The following IRF4 variants were observed in gnomAD, a reference collection of about 807,000 sequenced individuals.
IRF4 encodes the protein lymphocyte-specific interferon regulatory factor.
A neutral mutation model predicts 55.5 loss-of-function variants in IRF4; 13 were observed. The ratio of observed to expected loss-of-function variants is 0.23; its 90% CI spans 0.15 to 0.37. The LOEUF is 0.37. Among genes scored for constraint, IRF4 ranks in the 10% least tolerant of loss-of-function variants. The pLI is 1.00. For missense variants in IRF4, 397 were observed against 593.8 expected (o/e 0.67, Z 3.44); for synonymous variants, 249 against 240.7 (o/e 1.03, Z -0.32).
rs762541080 is a variant in IRF4, at chr6:398,916, C to T, written c.726C>T (p.Ala242=). 1.9e-5 allele frequency: 30 copies of T among 1,611,818 alleles called. No individual in the cohort carries two copies. The highest frequency in any genetic ancestry group is 8.8e-5 in the South Asian group (8 of 90,882). Reference sequence around the variant, plus strand: ...CCACAGAGCCAAGCATAAGGTCTGCCGAAGCCTTGGCGTTCTCAGGTGAGT... The same window carrying T: ...CCACAGAGCCAAGCATAAGGTCTGCTGAAGCCTTGGCGTTCTCAGGTGAGT... ...GVPTEPSIRS[A]EALAFSDCRL... is the part of the protein sequence containing the mutation. The change falls in exon 6 of 9, where the codon GCC becomes GCT. Residue 242 remains alanine (A), a synonymous_variant. Coordinates refer to ENST00000380956, the MANE Select transcript of IRF4 (RefSeq NM_002460.4).
At chr6:403,270 C>G (rs1332539677) in intron 7 of IRF4, among the ~76,000 whole-genome samples, 2 of 152,246 alleles carry the variant, frequency 1.3e-5, no homozygotes, top group Non-Finnish European at 2.9e-5. Context: ...GGGGACCCCC[C>G]CTCCCCTGTC....
At chr6:397,385 G>T in intron 5 of IRF4, 133 bp downstream of exon 5, 1 of 1,067,814 alleles carries the variant, frequency 9.4e-7, no homozygotes, top group Admixed American at 2.6e-5. Flanking sequence ...GCAGCTCGGG[G>T]AGAGGGGGGT....
intron 8 of IRF4, among the ~76,000 whole-genome samples, 180 bp downstream of exon 8, chr6:405,310 G>T (rs898721006): frequency 6.6e-6 from 1 of 152,218 alleles, no homozygotes; most frequent in Non-Finnish European, 1.5e-5. Context: ...GAGGACTCAC[G>T]TGCTCCTCCC....
intron 8 of IRF4, chr6:406,774 G>A (rs1482246536): frequency 8.4e-7 from 1 of 1,195,086 alleles, no homozygotes; most frequent in Non-Finnish European, 1.1e-6. Context: ...AGGTACTTAG[G>A]AGTTTAGCTT....
rs1000240851 is a variant in IRF4 at position 408,509 on chromosome 6, A to G, written c.*911A>G. ...ATGGGACATTTTTGTCTGTCCTACAATCTAGTAATGTCTAAGTAATGGTTA... is the reference window on the plus strand; with the variant it reads ...ATGGGACATTTTTGTCTGTCCTACAGTCTAGTAATGTCTAAGTAATGGTTA... On this transcript the variant is annotated 3_prime_UTR_variant, in exon 9 of 9. Coordinates refer to ENST00000380956, the MANE Select transcript of IRF4 (RefSeq NM_002460.4). 14 of 229,846 alleles carry G rather than the reference A, an allele frequency of 6.1e-5. No homozygotes were observed. The highest frequency in any genetic ancestry group is 1.0e-4 in the Non-Finnish European group (12 of 115,940). The allele number at this position is 229,846 out of a possible 1,614,324, so 14.2% of individuals were successfully genotyped here. A position where few individuals can be genotyped will look rare whatever the true frequency, so the allele number is the denominator to read the frequency against.
In IRF4 at chr6:411,005, TG is replaced by T. The variant is rs1761688072; in HGVS notation, c.*3408del. On this transcript the variant is annotated 3_prime_UTR_variant, in exon 9 of 9. Coordinates refer to ENST00000380956, the MANE Select transcript of IRF4 (RefSeq NM_002460.4). Reference sequence around the variant, plus strand: ...AATGAAGTAAAGGTCAGTTTTTTTTTGTATTGATTTTCACAGCTTTGAGGAA... The same window carrying T: ...AATGAAGTAAAGGTCAGTTTTTTTTTTATTGATTTTCACAGCTTTGAGGAA... 4.4e-6 allele frequency: 1 copy of T among 229,324 alleles called. No individual in the cohort carries two copies. The highest frequency in any genetic ancestry group is 8.6e-6 in the Non-Finnish European group (1 of 116,516). 14.2% of individuals were successfully genotyped at this position (229,324 alleles called of 1,614,324 possible). A position where few individuals can be genotyped will look rare whatever the true frequency, so the allele number is the denominator to read the frequency against.
At chr6:396,093 CT>C in intron 4 of IRF4, 158 bp downstream of exon 4, 1 of 613,122 alleles carries the variant, frequency 1.6e-6, no homozygotes, top group Admixed American at 3.0e-5. Context: ...GAATGTCTCA[CT>C]TTCCACACGG....
At chr6:394,728 C>G (rs1761209265) in intron 2 of IRF4, 93 bp from the exon 3 acceptor site, 4 of 1,225,304 alleles carry the variant, frequency 3.3e-6, no homozygotes, top group Non-Finnish European at 2.3e-6. Flanking sequence ...GTACTCTAGC[C>G]TGGGCAGCAG....
At chr6:392,087 A>C (rs914134643) in intron 1 of IRF4, among the ~76,000 whole-genome samples, 5 of 151,986 alleles carry the variant, frequency 3.3e-5, no homozygotes, top group African/African-American at 1.2e-4. Context: ...GGACGGGATG[A>C]GCTAACCGGA....
At chr6:394,424 A>G (rs920543128) in intron 2 of IRF4, among the ~76,000 whole-genome samples, 9 of 152,214 alleles carry the variant, frequency 5.9e-5, no homozygotes, top group African/African-American at 2.2e-4. Flanking sequence ...TGAAGGACCT[A>G]TGCGCCATTC....
In IRF4 at chr6:410,669, G is replaced by A. The variant is rs1332253467; in HGVS notation, c.*3071G>A. The stretch of plus-strand genomic sequence containing the variant: ...TGATGCTCCGCCAGGAAGGCCACTT[G>A]TGTGTGCGTGTCAGTTACTTTTTTA... On this transcript the variant is annotated 3_prime_UTR_variant, in exon 9 of 9. Coordinates refer to ENST00000380956, the MANE Select transcript of IRF4 (RefSeq NM_002460.4). 2 of 231,872 alleles carry A rather than the reference G, an allele frequency of 8.6e-6. No homozygotes were observed. The highest frequency in any genetic ancestry group is 1.2e-4 in the East Asian group (2 of 16,534). 14.4% of individuals were successfully genotyped at this position (231,872 alleles called of 1,614,324 possible).
chr6:403,145 G>C (rs942203930), intron 7 of IRF4, among the ~76,000 whole-genome samples: 6 of 152,198 alleles, frequency 3.9e-5, no homozygotes, highest in African/African-American at 1.2e-4. Flanking sequence ...CCTGGGGCTG[G>C]ACACCTCTCA....
At chr6:401,839 GAA>G in intron 7 of IRF4, 62 bp downstream of exon 7, 1 of 1,472,148 alleles carries the variant, frequency 6.8e-7, no homozygotes, top group South Asian at 1.2e-5. Flanking sequence ...ACAGGGGTCA[GAA>G]ACCACAGGGT....
chr6:404,684 G>A (rs1461734826), intron 7 of IRF4, among the ~76,000 whole-genome samples: 1 of 152,182 alleles, frequency 6.6e-6, no homozygotes, highest in African/African-American at 2.4e-5. Flanking sequence ...GCGTGACTAC[G>A]TTTCTTGTTC....
chr6:393,170 C>T lies in IRF4; in HGVS notation c.18C>T (p.Gly6=), dbSNP rs1339754619. Residue 6 remains glycine (G), a synonymous_variant, in exon 2 of 9, where the codon GGC becomes GGT. Coordinates refer to ENST00000380956, the MANE Select transcript of IRF4 (RefSeq NM_002460.4). The surrounding 1 kb of genome is among the most constrained non-coding windows in gnomAD (Gnocchi z 5.4). ...CGCGGGGCATGAACCTGGAGGGCGGCGGCCGAGGCGGAGAGTTCGGCATGA... is the reference window on the plus strand; with the variant it reads ...CGCGGGGCATGAACCTGGAGGGCGGTGGCCGAGGCGGAGAGTTCGGCATGA... The part of the protein sequence containing the change: MNLEG[G]GRGGEFGMSA... 6.4e-7 allele frequency: 1 copy of T among 1,550,814 alleles called. No individual in the cohort carries two copies.
intron 5 of IRF4, 45 bp downstream of exon 5, chr6:397,297 T>C: frequency 6.2e-7 from 1 of 1,608,140 alleles, no homozygotes; most frequent in Non-Finnish European, 8.5e-7. Flanking sequence ...TAATTGCTAA[T>C]GTGGCCATGG....
In IRF4 at chr6:393,186, T is replaced by G; in HGVS notation, c.34T>G (p.Phe12Val). 6.4e-7 allele frequency: 1 copy of G among 1,551,246 alleles called. No individual in the cohort carries two copies. Among genetic ancestry groups the G allele is most frequent in the Non-Finnish European group, 8.7e-7 (1 of 1,147,922 alleles). ...NLEGGGRGGEFGMSAVSCGNG... is the reference protein window; with the variant it reads ...NLEGGGRGGEVGMSAVSCGNG... ...GGAGGGCGGCGGCCGAGGCGGAGAG[T>G]TCGGCATGAGCGCGGTGAGCTGCGG... The change falls in exon 2 of 9, where the codon TTC becomes GTC. Residue 12 changes from phenylalanine to valine, a missense_variant. Physicochemically the swap from Phe to Val is conservative, Grantham distance 50. Transcript: ENST00000380956. The surrounding 1 kb of genome is among the most constrained non-coding windows in gnomAD (Gnocchi z 5.4).
At position 400,354 on chromosome 6, in the gene IRF4, G is replaced by A. The variant is rs60170709; in HGVS notation, c.746-1070G>A. Among the ~76,000 whole-genome samples the A allele has an allele frequency of 2.4e-4, 36 of 152,296 alleles. No individual in the cohort carries two copies. The East Asian group carries it at 6.7e-3, about 29-fold the overall frequency. ...CCTGCGGTCTGGCTGAGGAGCTTGT[G>A]CAAACCCAGCTTGGTTCTTTCAACT... is the stretch of plus-strand genomic sequence containing the variant. On this transcript the variant is annotated intron_variant, in intron 6 of 8. Transcript: ENST00000380956.
chr6:397,214 C>T lies in IRF4; in HGVS notation c.599C>T (p.Pro200Leu). 1 of 1,614,252 alleles carries T rather than the reference C, an allele frequency of 6.2e-7. No homozygotes were observed. The highest frequency in any genetic ancestry group is 8.5e-7 in the Non-Finnish European group (1 of 1,180,046). Reference protein sequence around the residue: ...IPYQCPMTFGPRGHHWQGPAC... With the variant: ...IPYQCPMTFGLRGHHWQGPAC... ...TACCAATGTCCCATGACGTTTGGAC[C>T]CCGCGGCCACCACTGGCAAGGCCCA... is the stretch of plus-strand genomic sequence containing the variant. Residue 200 changes from proline to leucine, a missense_variant, in exon 5 of 9, where the codon CCC becomes CTC. Physicochemically the swap from Pro to Leu is moderately conservative, Grantham distance 98 (BLOSUM62 -3). Around this residue, in one of 3 missense-constraint regions of IRF4, gnomAD observed 341 missense variants for 548.1 expected, o/e 0.62. Transcript: ENST00000380956.
Sources: gnomAD v4.1 joint callset for allele counts (sites outside exome capture counted in the v4.1 genomes callset) on GRCh38, gnomAD v4.1.1 for gene constraint, gnomAD v4.1.1 regional missense constraint, Gnocchi (gnomAD v3.1) non-coding constraint, MANE v1.5 for transcripts, NCBI Gene and HGNC (gene_info 2026-07-23, HGNC 2026-07-21) for gene names.